The following MBP variants were observed in gnomAD, a reference collection of about 807,000 sequenced individuals.
The protein encoded by MBP is Golli-MBP.
In MBP, 16 loss-of-function variants were observed where a neutral mutation model predicts 35.8. The ratio of observed to expected loss-of-function variants is 0.45; its 90% confidence interval spans 0.30 to 0.68. MBP has a LOEUF of 0.68. MBP is among the 30% of genes least tolerant of loss of function. MBP has a pLI of 0.08. For missense variants in MBP, 380 were observed against 404.7 expected, an observed-to-expected ratio of 0.94 and a Z score of 0.52; for synonymous variants, 143 against 159.6, an observed-to-expected ratio of 0.90 and a Z score of 0.78.
chr18:77,108,833 T>C (rs891193831), intron 1 of MBP: 3 of 152,228 alleles, frequency 2.0e-5, no homozygotes, highest in African/African-American at 7.2e-5. Flanking sequence ...ACAAACACCT[T>C]GTTCCTAGGT....
At chr18:77,130,063 A>G (rs906107493) in intron 1 of MBP, among the ~76,000 whole-genome samples, 2 of 151,756 alleles carry the variant, frequency 1.3e-5, no homozygotes, top group Non-Finnish European at 2.9e-5. Flanking sequence ...AAAAAAAAGA[A>G]AAAGAAAAGG....
intron 8 of MBP, chr18:76,981,702 G>T (rs139742222): frequency 4.7e-4 from 72 of 152,338 alleles, no homozygotes; most frequent in African/African-American, 1.6e-3. Flanking sequence ...GCCTCCTGCC[G>T]GCCTGGGGAC....
intron 7 of MBP, 53 bp from the exon 8 acceptor site, chr18:76,984,947 G>A (rs1003130823): frequency 6.2e-7 from 1 of 1,602,688 alleles, no homozygotes; most frequent in Non-Finnish European, 8.5e-7. Context: ...TGGGCACGCT[G>A]CTTGAGCCAC....
intron 8 of MBP, chr18:76,982,146 G>A (rs1969240908): frequency 1.1e-4 from 17 of 152,252 alleles, no homozygotes; most frequent in Admixed American, 8.5e-4. Context: ...GCACCTCCTG[G>A]AGTAGGTGTT....
chr18:77,051,339 C>T (rs1414066438), intron 3 of MBP, among the ~76,000 whole-genome samples: 1 of 152,208 alleles, frequency 6.6e-6, no homozygotes, highest in Non-Finnish European at 1.5e-5. Context: ...TTGTAGCTCT[C>T]TAATGATAAA....
At chr18:76,986,397 A>G (rs188276528) in intron 7 of MBP, 2 of 985,506 alleles carry the variant, frequency 2.0e-6, no homozygotes, top group African/African-American at 3.5e-5. Flanking sequence ...GGTGAGGAAG[A>G]TGACACCAGA....
chr18:76,980,199 A>G lies in MBP; in HGVS notation c.*228T>C, dbSNP rs1969100396. On this transcript the variant is annotated 3_prime_UTR_variant, in exon 9 of 9. Coordinates refer to ENST00000355994, the MANE Select transcript of MBP (RefSeq NM_001025101.2). ...TTGCGGGGGAAGGAACGTGATCTTC[A>G]CACAGAAAGGGACAGTTTTAACCGT... The G allele has an allele frequency of 3.1e-6, 2 of 637,302 alleles. No homozygotes were observed. The highest frequency in any genetic ancestry group is 2.8e-6 in the Non-Finnish European group (1 of 356,032). The allele number at this position is 637,302 out of a possible 1,614,324, so 39.5% of individuals were successfully genotyped here. A position where few individuals can be genotyped will look rare whatever the true frequency, so the allele number is the denominator to read the frequency against.
chr18:76,978,924 G>A lies in MBP; in HGVS notation c.*1503C>T, dbSNP rs1267348917. ...GTCACAGCACGTGCTGTGTGGGTGC[G>A]GCCACGTATGGATCGCAGAGCCGAC... On this transcript the variant is annotated 3_prime_UTR_variant, in exon 9 of 9. Coordinates refer to ENST00000355994, the MANE Select transcript of MBP (RefSeq NM_001025101.2). 6.6e-6 allele frequency: 1 copy of A among 152,226 alleles called. No individual in the cohort carries two copies. Among genetic ancestry groups the A allele is most frequent in the African/African-American group, 2.4e-5 (1 of 41,454 alleles). The allele number at this position is 152,226 out of a possible 1,614,324, so 9.4% of individuals were successfully genotyped here.
At chr18:76,998,599 T>C (rs1970457784) in intron 4 of MBP, among the ~76,000 whole-genome samples, 1 of 152,196 alleles carries the variant, frequency 6.6e-6, no homozygotes, top group African/African-American at 2.4e-5. Context: ...GAAGTGAAGC[T>C]GCCGAGGTTC....
intron 3 of MBP, among the ~76,000 whole-genome samples, chr18:77,054,709 A>G (rs573199924): frequency 6.6e-6 from 1 of 152,324 alleles, no homozygotes; most frequent in African/African-American, 2.4e-5. Context: ...GGATAAGGGG[A>G]GAGCTCAAGT....
intron 4 of MBP, chr18:77,004,988 G>A (rs1970853160): frequency 6.6e-6 from 1 of 152,246 alleles, no homozygotes; most frequent in African/African-American, 2.4e-5. Context: ...GTCGGTATCA[G>A]AGACCTCTTG....
chr18:77,111,978 C>G (rs917203372), intron 1 of MBP, among the ~76,000 whole-genome samples: 13 of 152,312 alleles, frequency 8.5e-5, no homozygotes, highest in African/African-American at 2.4e-4. Context: ...TCTCCTTTCT[C>G]TCTCCCCCGA....
intron 3 of MBP, among the ~76,000 whole-genome samples, chr18:77,033,778 CCATCCATCCATCCAT>C (rs1245624373): frequency 1.4e-5 from 2 of 141,578 alleles, no homozygotes; most frequent in African/African-American, 5.5e-5. Flanking sequence ...ATCCATCCAT[CCATCCATCCATCCAT>C]CCACCCACTC....
rs1408757572 is a variant in MBP at position 77,016,325 on chromosome 18, CG to C, written c.576+506del. On this transcript the variant is annotated intron_variant, in intron 4 of 8. Coordinates refer to ENST00000355994, the MANE Select transcript of MBP (RefSeq NM_001025101.2). The stretch of plus-strand genomic sequence containing the variant: ...GACCACAGAGAACGTTTGCTCAAGG[CG>C]GATTTAAATTGAGGAGTTTGTTCAA... 23 of 987,312 alleles carry C rather than the reference CG, an allele frequency of 2.3e-5. 1 individual carries two copies. In the African/African-American group the frequency reaches 2.6e-4, roughly 11 times the overall value. 61.2% of individuals were successfully genotyped at this position (987,312 alleles called of 1,614,324 possible). A position where few individuals can be genotyped will look rare whatever the true frequency, so the allele number is the denominator to read the frequency against.
chr18:76,985,005 G>A (rs982935972), intron 7 of MBP, 111 bp from the exon 8 acceptor site: 1 of 1,544,916 alleles, frequency 6.5e-7, no homozygotes, highest in African/African-American at 1.4e-5. Flanking sequence ...CCCCGGACTG[G>A]ACTGGTGAGT....
chr18:77,059,475 CTAATTATT>C (rs1243413651), intron 3 of MBP, among the ~76,000 whole-genome samples: 2 of 150,632 alleles, frequency 1.3e-5, no homozygotes, highest in African/African-American at 2.4e-5. Context: ...AAAGTAGTCA[CTAATTATT>C]TATAATTAAT....
intron 3 of MBP, among the ~76,000 whole-genome samples, chr18:77,041,770 A>G (rs1469079623): frequency 2.2e-4 from 25 of 111,940 alleles, no homozygotes; most frequent in Admixed American, 5.4e-4. Flanking sequence ...ACACACTGGG[A>G]CCTGTTGTGG....
intron 3 of MBP, among the ~76,000 whole-genome samples, chr18:77,024,906 G>C (rs1013461035): frequency 1.1e-4 from 16 of 152,314 alleles, no homozygotes; most frequent in Middle Eastern, 3.4e-3. Flanking sequence ...ACTGACCTGG[G>C]TGACGTGTCC....
Position 77,105,212 on chromosome 18 carries a change from G to T in MBP, c.50C>A (p.Thr17Lys), listed in dbSNP as rs143996211. ...KRELNAEKAS[T>K]NSETNRGESE... The stretch of plus-strand genomic sequence containing the variant: ...GTTTCGGATCAGCTCACGTCTTACC[G>T]TACTGGCCTTCTCGGCATTTAATTC... Residue 17 changes from threonine to lysine, a missense_variant and splice_region_variant, in exon 2 of 9, where the codon ACG (threonine) becomes AAG (lysine). Coordinates refer to ENST00000355994, the MANE Select transcript of MBP (RefSeq NM_001025101.2). The T allele has an allele frequency of 8.1e-5, 131 of 1,612,742 alleles. 1 individual carries two copies. Among genetic ancestry groups the T allele is most frequent in the South Asian group, 6.9e-4 (63 of 91,062 alleles).
Sources: allele counts gnomAD v4.1 joint callset (sites outside exome capture counted in the v4.1 genomes callset), GRCh38; gene constraint gnomAD v4.1.1; transcripts MANE v1.5; gene names NCBI Gene and HGNC (gene_info 2026-07-23, HGNC 2026-07-21).